The following MAGI2 variants were observed in gnomAD, a reference collection of about 807,000 sequenced individuals.
MAGI2 encodes membrane-associated guanylate kinase, WW and PDZ domain-containing protein 2.
MAGI2 carries 35 observed loss-of-function variants against 133.3 expected under a neutral mutation model. The ratio of observed to expected loss-of-function variants is 0.26; its 90% CI spans 0.20 to 0.35. MAGI2 has a LOEUF of 0.35. Ranked by LOEUF, MAGI2 falls within the 10% of genes least tolerant of loss-of-function variation. The probability of loss-of-function intolerance (pLI) is 1.00; values close to 1 mark genes in which losing one functional copy is unlikely to be tolerated. For missense variants in MAGI2, 1,636 were observed against 1,863.4 expected (o/e 0.88, Z 2.25); for synonymous variants, 729 against 710.6 (o/e 1.03, Z -0.41).
chr7:79,124,579 A>T (rs59855885), intron 1 of MAGI2, among the ~76,000 whole-genome samples: 6 of 152,164 alleles, frequency 3.9e-5, no homozygotes, highest in Non-Finnish European at 8.8e-5. Flanking sequence ...GAGCAAAAGA[A>T]AGCAGAAACT....
chr7:78,540,164 CTT>C (rs1295600095), intron 3 of MAGI2, among the ~76,000 whole-genome samples: 1 of 152,164 alleles, frequency 6.6e-6, no homozygotes, highest in African/African-American at 2.4e-5. Flanking sequence ...TGTCTTTCGT[CTT>C]TGGCTACTAG....
At chr7:78,474,238 C>A (rs1437254761) in intron 6 of MAGI2, among the ~76,000 whole-genome samples, 1 of 151,922 alleles carries the variant, frequency 6.6e-6, no homozygotes, top group South Asian at 2.1e-4. Flanking sequence ...GTCTACAAAT[C>A]GTGTAAAGGA....
chr7:79,061,408 T>G (rs1056510156), intron 1 of MAGI2, among the ~76,000 whole-genome samples: 1 of 151,880 alleles, frequency 6.6e-6, no homozygotes, highest in South Asian at 2.1e-4. Context: ...TCACACAAGT[T>G]AGGGAGAAGT....
chr7:79,325,389 G>A (rs2129085287), intron 1 of MAGI2, among the ~76,000 whole-genome samples: 1 of 152,212 alleles, frequency 6.6e-6, no homozygotes, highest in East Asian at 1.9e-4. Context: ...AAAGATGCCA[G>A]TCCTAGGAAA....
At chr7:78,486,251 A>G (rs188252407) in intron 6 of MAGI2, 3 of 152,170 alleles carry the variant, frequency 2.0e-5, no homozygotes. Flanking sequence ...CAAAAGAGTT[A>G]AGCTAAATCT....
chr7:78,138,723 C>T (rs1822437968), intron 16 of MAGI2, among the ~76,000 whole-genome samples: 2 of 151,448 alleles, frequency 1.3e-5, no homozygotes, highest in Admixed American at 1.3e-4. Flanking sequence ...TGTTAATTTC[C>T]AGGCACTGCA....
Position 78,573,237 on chromosome 7 carries a change from T to TATATATAA in MAGI2, c.539-51593_539-51592insTTATATAT, listed in dbSNP as rs1563188246. On this transcript the variant is annotated intron_variant, in intron 3 of 21. Coordinates refer to ENST00000354212, the MANE Select transcript of MAGI2 (RefSeq NM_012301.4). ...ATATAAATATATATAAATATAAATA[T>TATATATAA]ATATATATAAATATATATAAATATA... Among the ~76,000 whole-genome samples the TATATATAA allele has an allele frequency of 2.2e-4, 14 of 64,374 alleles. 1 individual carries two copies. Among genetic ancestry groups the TATATATAA allele is most frequent in the Admixed American group, 7.8e-4 (3 of 3,838 alleles). The allele number at this position is 64,374 out of a possible 152,430, so 42.2% of individuals were successfully genotyped here.
intron 2 of MAGI2, among the ~76,000 whole-genome samples, chr7:78,895,241 G>A (rs932539054): frequency 1.3e-5 from 2 of 152,086 alleles, no homozygotes; most frequent in Non-Finnish European, 2.9e-5. Context: ...GCCACCTCAG[G>A]ACTCTGCAGA....
intron 2 of MAGI2, among the ~76,000 whole-genome samples, chr7:78,824,725 C>A (rs190135029): frequency 4.1e-4 from 62 of 152,236 alleles, no homozygotes; most frequent in Admixed American, 3.9e-4. Context: ...TGTAGGTTGC[C>A]TGTTCACACT....
chr7:78,619,694 A>T (rs1225241265), intron 3 of MAGI2, among the ~76,000 whole-genome samples: 2 of 151,968 alleles, frequency 1.3e-5, no homozygotes, highest in Non-Finnish European at 2.9e-5. Context: ...TGACACTTCC[A>T]TTCTTAGTGC....
chr7:78,245,202 T>C (rs959988745), intron 10 of MAGI2, among the ~76,000 whole-genome samples: 5 of 152,164 alleles, frequency 3.3e-5, no homozygotes, highest in Non-Finnish European at 5.9e-5. Flanking sequence ...GGGCAGAAGA[T>C]AGATATTCAA....
chr7:78,630,413 C>CTTTT (rs35696228), intron 2 of MAGI2, among the ~76,000 whole-genome samples: 26,568 of 111,708 alleles, frequency 0.24, 3,362 homozygotes, highest in East Asian at 0.51. Context: ...TTGTGTTTAA[C>CTTTT]TTTTTTTTTT....
intron 2 of MAGI2, among the ~76,000 whole-genome samples, chr7:78,743,690 T>C (rs1273104783): frequency 3.3e-5 from 5 of 152,216 alleles, no homozygotes; most frequent in African/African-American, 1.2e-4. Flanking sequence ...GAGAGGTGTC[T>C]ACAGGCATGG....
rs1800738243 is a variant in MAGI2, at chr7:78,564,565, G to T, written c.539-42920C>A. On this transcript the variant is annotated intron_variant, in intron 3 of 21. Transcript: ENST00000354212. ...TATAATAAGGTTTTTAACGTAAGGA[G>T]TTAGGAGCCATAGTCTTTATTGTCA... Among the ~76,000 whole-genome samples the T allele has an allele frequency of 2.0e-5, 3 of 152,038 alleles. No homozygotes were observed. In the South Asian group the frequency reaches 6.2e-4, roughly 31 times the overall value.
At chr7:78,323,643 G>T (rs1446795258) in intron 9 of MAGI2, among the ~76,000 whole-genome samples, 1 of 151,870 alleles carries the variant, frequency 6.6e-6, no homozygotes, top group African/African-American at 2.4e-5. Context: ...TTTTGTGTTT[G>T]TTTGTTCCCC....
At chr7:78,630,386 T>A (rs38121) in intron 2 of MAGI2, among the ~76,000 whole-genome samples, 1 of 148,760 alleles carries the variant, frequency 6.7e-6, no homozygotes, top group Non-Finnish European at 1.5e-5. Context: ...CCAGCTGAAA[T>A]GTGGTGTACT....
At chr7:79,034,190 CTGATGATATTGCATAAA>C (rs890823993) in intron 1 of MAGI2, among the ~76,000 whole-genome samples, 2 of 152,012 alleles carry the variant, frequency 1.3e-5, no homozygotes, top group African/African-American at 4.8e-5. Context: ...GGACTGAAGG[CTGATGATATTGCATAAA>C]TGTTGGTTTT....
chr7:78,540,835 A>G (rs1584555526), intron 3 of MAGI2, among the ~76,000 whole-genome samples: 2 of 151,860 alleles, frequency 1.3e-5, no homozygotes, highest in East Asian at 3.9e-4. Flanking sequence ...TTTCAACTCT[A>G]AGTAAGGTTA....
At chr7:79,289,919 G>A (rs1007985925) in intron 1 of MAGI2, among the ~76,000 whole-genome samples, 1 of 151,876 alleles carries the variant, frequency 6.6e-6, no homozygotes, top group Non-Finnish European at 1.5e-5. Flanking sequence ...AACCAAATTT[G>A]GGTTATAATT....
Sources: allele counts gnomAD v4.1 joint callset (sites outside exome capture counted in the v4.1 genomes callset), GRCh38; gene constraint gnomAD v4.1.1; transcripts MANE v1.5; gene names NCBI Gene and HGNC (gene_info 2026-07-23, HGNC 2026-07-21).